The following CNTNAP2 variants were observed in gnomAD, a reference collection of about 807,000 sequenced individuals.
CNTNAP2 encodes the protein contactin associated protein 2, also known as contactin-associated protein-like 2.
CNTNAP2 carries 98 observed loss-of-function variants against 155.2 expected under a neutral mutation model. The observed-to-expected ratio is 0.63, with a 90% CI of 0.54 to 0.75. The LOEUF is 0.75. Among genes scored for constraint, CNTNAP2 ranks in the 30% least tolerant of loss-of-function variants. CNTNAP2 has a pLI of 0.00. For missense variants in CNTNAP2, 1,727 were observed against 1,688.1 expected (o/e 1.02, Z -0.40); for synonymous variants, 651 against 631.2 (o/e 1.03, Z -0.47).
At position 146,622,243 on chromosome 7, in the gene CNTNAP2, ATATCTATCTATCTATCTATC is replaced by A. The variant is rs71165020; in HGVS notation, c.98-152008_98-151989del. Reference sequence around the variant, plus strand: ...TGTGTGTATATATATATGTGTGTGTATATCTATCTATCTATCTATCTATCTATCTATCTATCTATATATAT... The same window carrying A: ...TGTGTGTATATATATATGTGTGTGTATATCTATCTATCTATCTATATATAT... On this transcript the variant is annotated intron_variant, in intron 1 of 23. Coordinates refer to ENST00000361727, the MANE Select transcript of CNTNAP2 (RefSeq NM_014141.6). Among the ~76,000 whole-genome samples the A allele has an allele frequency of 3.0e-3, 436 of 144,404 alleles. 3 individuals carry two copies. The highest frequency in any genetic ancestry group is 0.011 in the African/African-American group (404 of 37,706). The allele number at this position is 144,404 out of a possible 152,430, so 94.7% of individuals were successfully genotyped here. A position where few individuals can be genotyped will look rare whatever the true frequency, so the allele number is the denominator to read the frequency against.
chr7:147,895,156 T>G (rs1799757602), intron 13 of CNTNAP2, among the ~76,000 whole-genome samples: 1 of 149,142 alleles, frequency 6.7e-6, no homozygotes, highest in Admixed American at 6.6e-5. Flanking sequence ...GTATTTTTAG[T>G]AGAAACGGGG....
chr7:146,429,340 T>C (rs1796139161), intron 1 of CNTNAP2, among the ~76,000 whole-genome samples: 1 of 152,150 alleles, frequency 6.6e-6, no homozygotes, highest in Non-Finnish European at 1.5e-5. Context: ...GACATTTTCA[T>C]ATTGATTCTT....
At chr7:148,239,747 T>C (rs560648450) in intron 20 of CNTNAP2, among the ~76,000 whole-genome samples, 5 of 152,282 alleles carry the variant, frequency 3.3e-5, no homozygotes, top group African/African-American at 1.2e-4. Flanking sequence ...TCAAACCAGC[T>C]TGAAGTTTTA....
rs71527812 is a variant in CNTNAP2, at chr7:147,469,506, ATTTTTTTTTTTT to A, written c.1671-16414_1671-16403del. ...CAGAGCACCAGGATGTCAGGCTGCA[ATTTTTTTTTTTT>A]TTTTTTTTTTTTTTCTGTGAGACAA... On this transcript the variant is annotated intron_variant, in intron 10 of 23. Transcript: ENST00000361727. Among the ~76,000 whole-genome samples, 3 of 79,104 alleles carry A rather than the reference ATTTTTTTTTTTT, an allele frequency of 3.8e-5. 1 individual carries two copies. Among genetic ancestry groups the A allele is most frequent in the Non-Finnish European group, 7.1e-5 (3 of 42,362 alleles). The allele number at this position is 79,104 out of a possible 152,430, so 51.9% of individuals were successfully genotyped here.
intron 13 of CNTNAP2, among the ~76,000 whole-genome samples, chr7:147,736,537 T>C (rs1354458058): frequency 6.6e-6 from 1 of 152,190 alleles, no homozygotes; most frequent in Non-Finnish European, 1.5e-5. Context: ...TTTGTGATGT[T>C]CTCTGTATTT....
At chr7:146,199,112 C>T (rs887768414) in intron 1 of CNTNAP2, among the ~76,000 whole-genome samples, 29 of 152,146 alleles carry the variant, frequency 1.9e-4, no homozygotes, top group African/African-American at 7.0e-4. Context: ...TTCATATCCA[C>T]CTAATCATCA....
At chr7:147,257,382 T>C (rs983209739) in intron 8 of CNTNAP2, among the ~76,000 whole-genome samples, 11 of 152,172 alleles carry the variant, frequency 7.2e-5, no homozygotes, top group African/African-American at 1.9e-4. Flanking sequence ...AGCGGCCCAC[T>C]CAGCAATCTA....
At chr7:146,298,054 A>G (rs1800544497) in intron 1 of CNTNAP2, among the ~76,000 whole-genome samples, 1 of 152,214 alleles carries the variant, frequency 6.6e-6, no homozygotes, top group Admixed American at 6.5e-5. Flanking sequence ...ACCCAAAGGA[A>G]GAGATGATCC....
intron 1 of CNTNAP2, among the ~76,000 whole-genome samples, chr7:146,523,577 G>A (rs1422781447): frequency 6.6e-6 from 1 of 151,752 alleles, no homozygotes; most frequent in African/African-American, 2.4e-5. Flanking sequence ...TTTTATCAGT[G>A]CAGTTTTGGA....
rs58023966 is a variant in CNTNAP2, at chr7:146,902,130, C to T, written c.402+62226C>T. 9.7e-4 allele frequency among the ~76,000 whole-genome samples: 148 copies of T among 151,972 alleles called. 1 individual carries two copies. Among genetic ancestry groups the T allele is most frequent in the African/African-American group, 3.3e-3 (135 of 41,458 alleles). On this transcript the variant is annotated intron_variant, in intron 3 of 23. Coordinates refer to ENST00000361727, the MANE Select transcript of CNTNAP2 (RefSeq NM_014141.6). ...CGATCTCCTAAACTCGTGATCCACC[C>T]GTCTCGGCCTCCCAAAGTGCTGGGA...
intron 9 of CNTNAP2, among the ~76,000 whole-genome samples, chr7:147,356,394 A>G (rs984141933): frequency 4.6e-5 from 7 of 152,104 alleles, no homozygotes; most frequent in South Asian, 4.1e-4. Context: ...GGCCTCTCTC[A>G]CCACTCCTAT....
At chr7:146,897,002 A>G (rs1795890799) in intron 3 of CNTNAP2, among the ~76,000 whole-genome samples, 1 of 152,110 alleles carries the variant, frequency 6.6e-6, no homozygotes, top group African/African-American at 2.4e-5. Context: ...ACAAAACTGA[A>G]TGATGTCTGA....
intron 8 of CNTNAP2, among the ~76,000 whole-genome samples, chr7:147,191,571 T>G (rs564226099): frequency 6.6e-6 from 1 of 152,200 alleles, no homozygotes; most frequent in African/African-American, 2.4e-5. Context: ...CTCTGGAAAC[T>G]GCCTAATGAT....
intron 1 of CNTNAP2, among the ~76,000 whole-genome samples, chr7:146,293,702 T>C (rs542171484): frequency 2.7e-4 from 41 of 152,302 alleles, no homozygotes; most frequent in African/African-American, 9.1e-4. Flanking sequence ...CGTTGTTCTT[T>C]CATGTTTGAT....
At chr7:146,609,624 G>T (rs968297249) in intron 1 of CNTNAP2, among the ~76,000 whole-genome samples, 1 of 152,168 alleles carries the variant, frequency 6.6e-6, no homozygotes, top group Non-Finnish European at 1.5e-5. Context: ...ACTGCTGAGA[G>T]ATTTTGGGCC....
chr7:146,908,644 T>C (rs1477190049), intron 3 of CNTNAP2, among the ~76,000 whole-genome samples: 39 of 125,310 alleles, frequency 3.1e-4, no homozygotes, highest in Non-Finnish European at 4.2e-4. Flanking sequence ...TGGGACGCAT[T>C]CAAAGCAGTG....
At chr7:147,925,158 G>A (rs1235852532) in intron 14 of CNTNAP2, among the ~76,000 whole-genome samples, 1 of 55,990 alleles carries the variant, frequency 1.8e-5, no homozygotes, top group Admixed American at 1.8e-4. Flanking sequence ...AGAGAGAGAA[G>A]GAAGGAAGGA....
At chr7:146,390,637 A>T (rs1183543294) in intron 1 of CNTNAP2, among the ~76,000 whole-genome samples, 2 of 149,462 alleles carry the variant, frequency 1.3e-5, no homozygotes, top group African/African-American at 2.4e-5. Context: ...AAATAAAAAT[A>T]TATATATTTT....
intron 11 of CNTNAP2, among the ~76,000 whole-genome samples, chr7:147,552,339 C>T (rs1323298814): frequency 6.6e-6 from 1 of 152,008 alleles, no homozygotes; most frequent in Non-Finnish European, 1.5e-5. Flanking sequence ...AGTCCTATTG[C>T]CTCATTCATT....
Sources: allele counts gnomAD v4.1 joint callset (sites outside exome capture counted in the v4.1 genomes callset), GRCh38; gene constraint gnomAD v4.1.1; transcripts MANE v1.5; gene names NCBI Gene and HGNC (gene_info 2026-07-23, HGNC 2026-07-21).